Variants in ACTR3C observed in about 807,000 individuals in gnomAD.
ACTR3C encodes actin related protein 3C.
Under a neutral mutation model 26.3 loss-of-function variants are expected in ACTR3C, and 18 were observed. The ratio of observed to expected loss-of-function variants is 0.68; its 90% CI spans 0.47 to 1.01. The LOEUF is 1.01. ACTR3C is among the 50% of genes least tolerant of loss of function. The pLI, the probability that ACTR3C is intolerant of heterozygous loss-of-function variation, is 0.00. For synonymous variants in ACTR3C, 55 were observed against 94.5 expected (o/e 0.58, Z 2.42); for missense variants, 184 against 250.7 (o/e 0.73, Z 1.80).
the ACTR3C span, among the ~76,000 whole-genome samples, chr7:149,910,214 C>T: frequency 2.4e-5 from 3 of 124,920 alleles, no homozygotes; most frequent in African/African-American, 8.4e-5. Flanking sequence ...CTGAACTTTG[C>T]GGGGTGGGGG....
At chr7:150,181,868 G>A in the ACTR3C span, among the ~76,000 whole-genome samples, 514 of 150,376 alleles carry the variant, frequency 3.4e-3, 19 homozygotes, top group African/African-American at 9.0e-3. Flanking sequence ...ACAAATGTGT[G>A]TTGGATCCCC....
At chr7:150,062,498 G>A in the ACTR3C span, among the ~76,000 whole-genome samples, 5 of 150,492 alleles carry the variant, frequency 3.3e-5, no homozygotes, top group Admixed American at 6.6e-5. Flanking sequence ...TGGAACACTC[G>A]AGATGGGCAA....
chr7:150,163,863 G>C, the ACTR3C span, among the ~76,000 whole-genome samples: 8 of 152,062 alleles, frequency 5.3e-5, no homozygotes, highest in Non-Finnish European at 2.9e-5. Context: ...GATTGGGGAA[G>C]GCTCTCTGCT....
chr7:150,152,610 T>G, the ACTR3C span, among the ~76,000 whole-genome samples: 2 of 152,222 alleles, frequency 1.3e-5, no homozygotes, highest in African/African-American at 2.4e-5. Context: ...CCTTTTTGGT[T>G]GTGTCTCTGC....
At chr7:150,280,759 C>T (rs1835251680) in intron 6 of ACTR3C, among the ~76,000 whole-genome samples, 1 of 151,860 alleles carries the variant, frequency 6.6e-6, no homozygotes, top group South Asian at 2.1e-4. Flanking sequence ...CAAATCATCA[C>T]ACTGTGCACC....
At chr7:150,040,606 G>A in the ACTR3C span, 3 of 147,130 alleles carry the variant, frequency 2.0e-5, no homozygotes, top group Non-Finnish European at 4.4e-5. Context: ...CTTTCTTTCT[G>A]TTCCCGAGCT....
At chr7:150,187,106 G>A in the ACTR3C span, among the ~76,000 whole-genome samples, 30 of 151,714 alleles carry the variant, frequency 2.0e-4, no homozygotes, top group African/African-American at 5.3e-4. Flanking sequence ...TGCTTTCTTG[G>A]TTTGCAAGAC....
the ACTR3C span, among the ~76,000 whole-genome samples, chr7:149,903,144 G>GAGTA: frequency 7.7e-6 from 1 of 129,116 alleles, no homozygotes; most frequent in African/African-American, 2.5e-5. Flanking sequence ...ATCACTAGTA[G>GAGTA]AGTACTATAA....
the ACTR3C span, among the ~76,000 whole-genome samples, chr7:150,155,423 T>C: frequency 3.3e-5 from 5 of 152,124 alleles, no homozygotes; most frequent in African/African-American, 1.2e-4. Flanking sequence ...AGAATTCATG[T>C]AAAGAATCTT....
the ACTR3C span, among the ~76,000 whole-genome samples, chr7:150,161,647 C>A: frequency 0.03 from 4,578 of 152,076 alleles, 216 homozygotes; most frequent in East Asian, 0.18. Flanking sequence ...ACCATTTGAC[C>A]CAGCCATCCC....
the ACTR3C span, among the ~76,000 whole-genome samples, chr7:149,933,193 C>A: frequency 1.3e-5 from 2 of 149,552 alleles, no homozygotes; most frequent in East Asian, 3.9e-4. Flanking sequence ...GATCCTGGAA[C>A]CTTCTCCAGA....
At chr7:150,003,512 T>C in the ACTR3C span, among the ~76,000 whole-genome samples, 1 of 151,448 alleles carries the variant, frequency 6.6e-6, no homozygotes, top group Admixed American at 6.6e-5. Flanking sequence ...TGGCATGCGG[T>C]GTGGTATGTG....
At chr7:150,149,051 C>G in the ACTR3C span, among the ~76,000 whole-genome samples, 1 of 138,470 alleles carries the variant, frequency 7.2e-6, no homozygotes, top group South Asian at 2.3e-4. Flanking sequence ...TTTTAATATG[C>G]ACTCTCTTGG....
the ACTR3C span, among the ~76,000 whole-genome samples, chr7:150,214,018 G>A: frequency 6.8e-6 from 1 of 147,888 alleles, no homozygotes; most frequent in Non-Finnish European, 1.5e-5. Flanking sequence ...CCTGAGTCAT[G>A]CAGGTGCTGA....
At chr7:150,038,855 G>A in the ACTR3C span, among the ~76,000 whole-genome samples, 71 of 136,504 alleles carry the variant, frequency 5.2e-4, 2 homozygotes, top group South Asian at 0.016. Context: ...GGGAACCAGG[G>A]GCTGGCTCTC....
At chr7:150,241,394 C>A (rs965727546), downstream of ACTR3C, among the ~76,000 whole-genome samples, 5 of 152,116 alleles carry the variant, frequency 3.3e-5, no homozygotes, top group African/African-American at 9.7e-5. Flanking sequence ...AACAGAGACA[C>A]GAGAGCTAGT....
At chr7:150,089,201 C>T in the ACTR3C span, among the ~76,000 whole-genome samples, 1 of 151,998 alleles carries the variant, frequency 6.6e-6, no homozygotes, top group African/African-American at 2.4e-5. Flanking sequence ...TTTTGTACTC[C>T]CTATTGAGAA....
chr7:150,034,970 T>C, the ACTR3C span, among the ~76,000 whole-genome samples: 1,786 of 76,310 alleles, frequency 0.023, 25 homozygotes, highest in South Asian at 0.063. Context: ...CAGTCCCCAC[T>C]CTCGTGGGGG....
At chr7:150,186,452 T>A in the ACTR3C span, among the ~76,000 whole-genome samples, 1 of 152,194 alleles carries the variant, frequency 6.6e-6, no homozygotes, top group African/African-American at 2.4e-5. Flanking sequence ...CCCACATGTT[T>A]GTGTTATAAT....
Sources: gnomAD v4.1 joint callset for allele counts (sites outside exome capture counted in the v4.1 genomes callset) on GRCh38, gnomAD v4.1.1 for gene constraint, MANE v1.5 for transcripts, NCBI Gene and HGNC (gene_info 2026-07-23, HGNC 2026-07-21) for gene names.